The following CNTN5 variants were observed in gnomAD, a reference collection of about 807,000 sequenced individuals.
The protein encoded by CNTN5 is contactin-5.
Under a neutral mutation model 129.1 loss-of-function variants are expected in CNTN5, and 77 were observed. That is an observed-to-expected ratio of 0.60 (90% CI 0.50 to 0.72). CNTN5 has a LOEUF of 0.72. Ranked by LOEUF, CNTN5 falls within the 30% of genes least tolerant of loss-of-function variation. The pLI, the probability that CNTN5 is intolerant of heterozygous loss-of-function variation, is 0.00. For missense variants in CNTN5, 1,478 were observed against 1,328.8 expected, an observed-to-expected ratio of 1.11 and a Z score of -1.75; for synonymous variants, 509 against 465.6, an observed-to-expected ratio of 1.09 and a Z score of -1.20.
intron 2 of CNTN5, among the ~76,000 whole-genome samples, chr11:99,544,623 A>G (rs1256866781): frequency 6.6e-6 from 1 of 152,214 alleles, no homozygotes; most frequent in Non-Finnish European, 1.5e-5. Flanking sequence ...TGGAGAAATT[A>G]TAGTGACTCT....
intron 13 of CNTN5, among the ~76,000 whole-genome samples, chr11:100,156,349 A>G (rs1947242005): frequency 6.6e-6 from 1 of 152,240 alleles, no homozygotes; most frequent in South Asian, 2.1e-4. Flanking sequence ...CCAGGGATGA[A>G]GCTGACTTGA....
At chr11:99,032,228 C>G (rs942343917) in intron 1 of CNTN5, among the ~76,000 whole-genome samples, 1 of 151,944 alleles carries the variant, frequency 6.6e-6, no homozygotes, top group African/African-American at 2.4e-5. Flanking sequence ...AATAAGCATA[C>G]GTGTGCATGT....
chr11:99,288,220 GT>G (rs969425394), intron 1 of CNTN5, among the ~76,000 whole-genome samples: 53 of 147,820 alleles, frequency 3.6e-4, no homozygotes, highest in Admixed American at 4.1e-4. Context: ...TATAAGCAGG[GT>G]TTTTTTTTTA....
intron 1 of CNTN5, among the ~76,000 whole-genome samples, chr11:99,279,323 A>G (rs1009542255): frequency 6.6e-6 from 1 of 151,808 alleles, no homozygotes; most frequent in African/African-American, 2.4e-5. Context: ...CTTTCTTTTC[A>G]TTAGAAACTT....
At chr11:100,038,410 G>T (rs1477047783) in intron 9 of CNTN5, among the ~76,000 whole-genome samples, 1 of 152,162 alleles carries the variant, frequency 6.6e-6, no homozygotes, top group Non-Finnish European at 1.5e-5. Flanking sequence ...TTTTGGAATA[G>T]GTGTGGTGTG....
intron 13 of CNTN5, among the ~76,000 whole-genome samples, chr11:100,138,399 T>C (rs1946593376): frequency 6.6e-6 from 1 of 152,044 alleles, no homozygotes; most frequent in South Asian, 2.1e-4. Flanking sequence ...TTAAATAATT[T>C]GTATTGTATC....
chr11:99,323,061 G>T (rs982066123), intron 1 of CNTN5, among the ~76,000 whole-genome samples: 3 of 152,088 alleles, frequency 2.0e-5, no homozygotes, highest in African/African-American at 2.4e-5. Context: ...GGTTGGCAAA[G>T]GTCATTCTTT....
At chr11:100,043,481 G>A (rs919176883) in intron 9 of CNTN5, among the ~76,000 whole-genome samples, 1 of 152,136 alleles carries the variant, frequency 6.6e-6, no homozygotes, top group Non-Finnish European at 1.5e-5. Context: ...TAAATAAACA[G>A]CATTAAACTT....
Position 100,176,623 on chromosome 11 carries a change from A to C in CNTN5, c.1581-14503A>C, listed in dbSNP as rs142927903. ...AGGCAGATATATTTGAGCAGTGATAAATAGTTAGGAATCTGACCACTGAAA... is the reference window on the plus strand; with the variant it reads ...AGGCAGATATATTTGAGCAGTGATACATAGTTAGGAATCTGACCACTGAAA... On this transcript the variant is annotated intron_variant, in intron 13 of 24. Transcript: ENST00000524871. 4.6e-5 allele frequency among the ~76,000 whole-genome samples: 7 copies of C among 152,172 alleles called. No homozygotes were observed. In the East Asian group the frequency reaches 1.4e-3, roughly 30 times the overall value.
At chr11:100,126,120 C>T (rs1946175305) in intron 13 of CNTN5, among the ~76,000 whole-genome samples, 1 of 152,054 alleles carries the variant, frequency 6.6e-6, no homozygotes, top group East Asian at 1.9e-4. Flanking sequence ...TTTAAAAGAT[C>T]TTCTTGGTAT....
Position 99,864,407 on chromosome 11 carries a change from C to T in CNTN5, c.577+19145C>T, listed in dbSNP as rs139152136. Among the ~76,000 whole-genome samples, 195 of 152,152 alleles carry T rather than the reference C, an allele frequency of 1.3e-3. 2 individuals are homozygous for T. Among genetic ancestry groups the T allele is most frequent in the African/African-American group, 4.2e-3 (175 of 41,520 alleles). On this transcript the variant is annotated intron_variant, in intron 6 of 24. Transcript: ENST00000524871. ...GCTATCGTCCTGCAGGTTTTTGGCA[C>T]GTAATATTCTAATCTTAACCCTCTC...
At chr11:99,213,961 A>T (rs1479426523) in intron 1 of CNTN5, among the ~76,000 whole-genome samples, 1 of 152,162 alleles carries the variant, frequency 6.6e-6, no homozygotes, top group African/African-American at 2.4e-5. Flanking sequence ...TATTTAACTA[A>T]AATTTTTGAA....
At position 99,321,771 on chromosome 11, in the gene CNTN5, C is replaced by T. The variant is rs150558730; in HGVS notation, c.-209-3575C>T. 2.2e-4 allele frequency among the ~76,000 whole-genome samples: 34 copies of T among 152,146 alleles called. No homozygotes were observed. The East Asian group carries it at 3.9e-3, about 17-fold the overall frequency. ...AGGGTAGTGGGTGATCTCAGTGTAG[C>T]GCTCAGTTGCTGGAAGGTTGAGATT... On this transcript the variant is annotated intron_variant, in intron 1 of 24. Transcript: ENST00000524871.
intron 16 of CNTN5, among the ~76,000 whole-genome samples, chr11:100,226,222 A>T (rs1300010769): frequency 6.6e-6 from 1 of 152,150 alleles, no homozygotes; most frequent in Non-Finnish European, 1.5e-5. Flanking sequence ...CCCTACACTC[A>T]GTCAAATTCA....
chr11:99,683,939 T>C (rs1953672478), intron 3 of CNTN5, among the ~76,000 whole-genome samples: 1 of 151,944 alleles, frequency 6.6e-6, no homozygotes, highest in Non-Finnish European at 1.5e-5. Flanking sequence ...TCACATACTA[T>C]TTTTTTGGTG....
intron 3 of CNTN5, among the ~76,000 whole-genome samples, chr11:99,606,084 A>G (rs1329794217): frequency 7.5e-4 from 35 of 46,896 alleles, no homozygotes; most frequent in African/African-American, 2.4e-3. Flanking sequence ...ATAGTGTTGG[A>G]AGTTCTGGCC....
intron 3 of CNTN5, among the ~76,000 whole-genome samples, chr11:99,624,763 T>C (rs1951070512): frequency 6.6e-6 from 1 of 152,198 alleles, no homozygotes; most frequent in South Asian, 2.1e-4. Context: ...ACATGTCTGA[T>C]GGTGATACAC....
intron 1 of CNTN5, among the ~76,000 whole-genome samples, chr11:99,245,118 C>T (rs73532988): frequency 0.017 from 2,594 of 152,246 alleles, 86 homozygotes; most frequent in African/African-American, 0.06. Context: ...TCAAACTGCA[C>T]ACACTCTTTA....
chr11:99,880,192 T>C (rs1022369702), intron 6 of CNTN5, among the ~76,000 whole-genome samples: 4 of 152,208 alleles, frequency 2.6e-5, no homozygotes, highest in African/African-American at 9.6e-5. Context: ...TTTTATATCA[T>C]GGAAAATCAT....
Sources: allele counts gnomAD v4.1 joint callset (sites outside exome capture counted in the v4.1 genomes callset), GRCh38; gene constraint gnomAD v4.1.1; transcripts MANE v1.5; gene names NCBI Gene and HGNC (gene_info 2026-07-23, HGNC 2026-07-21).